MYO16: variants seen among roughly 807,000 people sequenced by gnomAD.
The protein encoded by MYO16 is unconventional myosin-XVI.
MYO16 carries 94 observed loss-of-function variants against 205.3 expected under a neutral mutation model. That is an observed-to-expected ratio of 0.46 (90% CI 0.39 to 0.54). The LOEUF (loss-of-function observed/expected upper bound fraction) is 0.54, where lower values mean the gene tolerates loss of function less well. MYO16 is among the 20% of genes least tolerant of loss of function. The pLI, the probability that MYO16 is intolerant of heterozygous loss-of-function variation, is 0.00. For synonymous variants in MYO16, 988 were observed against 954.0 expected, an observed-to-expected ratio of 1.04 and a Z score of -0.66; for missense variants, 2,315 against 2,387.5, an observed-to-expected ratio of 0.97 and a Z score of 0.63.
chr13:109,095,103 A>G (rs138614848), intron 27 of MYO16, among the ~76,000 whole-genome samples: 4 of 152,348 alleles, frequency 2.6e-5, no homozygotes, highest in African/African-American at 9.6e-5. Flanking sequence ...ATGAAAGTAG[A>G]TAACAGTTGT....
At chr13:109,078,060 C>T (rs1358278088) in intron 27 of MYO16, among the ~76,000 whole-genome samples, 1 of 152,052 alleles carries the variant, frequency 6.6e-6, no homozygotes, top group African/African-American at 2.4e-5. Context: ...TTCTGTTCAT[C>T]CAATTCAATG....
intron 15 of MYO16, among the ~76,000 whole-genome samples, chr13:108,908,428 T>C (rs1881092809): frequency 6.6e-6 from 1 of 152,232 alleles, no homozygotes; most frequent in Admixed American, 6.5e-5. Context: ...GTGGTTCTAG[T>C]TGTTAGAACA....
At chr13:108,893,957 G>C (rs1276783732) in intron 14 of MYO16, among the ~76,000 whole-genome samples, 1 of 152,136 alleles carries the variant, frequency 6.6e-6, no homozygotes, top group Non-Finnish European at 1.5e-5. Context: ...CTGCCATAAA[G>C]ATACCACCTG....
intron 4 of MYO16, among the ~76,000 whole-genome samples, chr13:108,737,909 CTAGTTT>C: frequency 6.6e-6 from 1 of 152,122 alleles, no homozygotes. Flanking sequence ...TCTAGATTTT[CTAGTTT>C]ATTTGTGTAG....
intron 16 of MYO16, among the ~76,000 whole-genome samples, chr13:108,926,191 G>A (rs1000592875): frequency 1.3e-5 from 2 of 152,204 alleles, no homozygotes; most frequent in Non-Finnish European, 1.5e-5. Flanking sequence ...GTACTGACCA[G>A]AGAAAGGGAG....
chr13:108,926,367 A>G (rs1882005544), intron 16 of MYO16, among the ~76,000 whole-genome samples: 1 of 152,132 alleles, frequency 6.6e-6, no homozygotes, highest in East Asian at 1.9e-4. Context: ...AAAATAAGAG[A>G]TGGTCCCTGC....
At chr13:108,570,109 AT>A in the MYO16 span, among the ~76,000 whole-genome samples, 3 of 152,166 alleles carry the variant, frequency 2.0e-5, no homozygotes, top group Admixed American at 6.5e-5. Context: ...TCTCTGCCTG[AT>A]TTTGGAAATA....
At chr13:108,646,386 A>T (rs11839682) in intron 1 of MYO16, among the ~76,000 whole-genome samples, 20,888 of 152,162 alleles carry the variant, frequency 0.14, 2,815 homozygotes, top group African/African-American at 0.34. Context: ...ACTCAATTCA[A>T]ACTCAGCTAT....
chr13:108,844,340 TAGCAG>T lies in MYO16; in HGVS notation c.1098-2_1100del. ...ATTGTAGTATTGATTTTTTTTCCTGTAGCAGTCCCCTGGTGTTACCAATTGCCAAG... is the reference window on the plus strand; with the variant it reads ...ATTGTAGTATTGATTTTTTTTCCTGTTCCCCTGGTGTTACCAATTGCCAAG... On this transcript the variant is annotated splice_acceptor_variant and coding_sequence_variant, in exon 10 of 35. Transcript: ENST00000457511. LOFTEE classifies it high-confidence loss of function. 6.2e-7 allele frequency: 1 copy of T among 1,605,636 alleles called. No homozygotes were observed. The highest frequency in any genetic ancestry group is 8.5e-7 in the Non-Finnish European group (1 of 1,175,048).
In MYO16 at chr13:108,753,507, T is replaced by A. The variant is rs139100903; in HGVS notation, c.507+25924T>A. 1.7e-4 allele frequency among the ~76,000 whole-genome samples: 26 copies of A among 152,232 alleles called. 1 individual carries two copies. In the East Asian group the frequency reaches 4.8e-3, roughly 28 times the overall value. ...TTTGGGAATGGCTTTATTGACTCAT[T>A]CCGTAACCAAAAACATTAAGAGGAT... On this transcript the variant is annotated intron_variant, in intron 4 of 34. Coordinates refer to ENST00000457511, the MANE Select transcript of MYO16 (RefSeq NM_001198950.3).
At chr13:108,923,552 C>G (rs558782833) in intron 16 of MYO16, among the ~76,000 whole-genome samples, 1 of 152,338 alleles carries the variant, frequency 6.6e-6, no homozygotes, top group African/African-American at 2.4e-5. Flanking sequence ...AACACCAGCT[C>G]GGGCTGGTAT....
At chr13:109,149,570 T>G (rs2139829578) in intron 32 of MYO16, among the ~76,000 whole-genome samples, 1 of 152,336 alleles carries the variant, frequency 6.6e-6, no homozygotes, top group East Asian at 1.9e-4. Flanking sequence ...AGGTCTCTGT[T>G]TGAGAAAGGA....
At chr13:108,956,955 A>G (rs1883373024) in intron 16 of MYO16, among the ~76,000 whole-genome samples, 1 of 152,208 alleles carries the variant, frequency 6.6e-6, no homozygotes, top group Non-Finnish European at 1.5e-5. Flanking sequence ...AAAGGAGTAA[A>G]TCAATGGCAT....
intron 27 of MYO16, among the ~76,000 whole-genome samples, chr13:109,070,698 G>T (rs1887896540): frequency 6.6e-6 from 1 of 152,174 alleles, no homozygotes; most frequent in Non-Finnish European, 1.5e-5. Flanking sequence ...ATGAAATGAG[G>T]AATAGATTAG....
the MYO16 span, among the ~76,000 whole-genome samples, chr13:108,556,317 T>C: frequency 1.3e-5 from 2 of 152,198 alleles, no homozygotes; most frequent in East Asian, 1.9e-4. Context: ...ACTCTTTGGC[T>C]AATAGCCATT....
intron 16 of MYO16, among the ~76,000 whole-genome samples, chr13:108,918,049 AATT>A (rs1881577402): frequency 6.6e-6 from 1 of 152,236 alleles, no homozygotes; most frequent in Admixed American, 6.5e-5. Context: ...TTCGATTCTC[AATT>A]ATTTTTGTGA....
intron 33 of MYO16, among the ~76,000 whole-genome samples, chr13:109,172,126 C>A (rs1594156235): frequency 6.6e-6 from 1 of 152,164 alleles, no homozygotes; most frequent in African/African-American, 2.4e-5. Context: ...TCAATCCAAA[C>A]CACCAGCCAA....
At chr13:108,782,620 A>G (rs1886337856) in intron 4 of MYO16, among the ~76,000 whole-genome samples, 1 of 152,148 alleles carries the variant, frequency 6.6e-6, no homozygotes, top group Admixed American at 6.5e-5. Flanking sequence ...CATGTCAGAG[A>G]CCTTCATGGC....
At chr13:109,013,673 T>C (rs887491930) in intron 22 of MYO16, among the ~76,000 whole-genome samples, 1 of 152,208 alleles carries the variant, frequency 6.6e-6, no homozygotes, top group Non-Finnish European at 1.5e-5. Flanking sequence ...TGGTGTGAGA[T>C]GGTATCTCAT....
Sources: gnomAD v4.1 joint callset for allele counts (sites outside exome capture counted in the v4.1 genomes callset) on GRCh38, gnomAD v4.1.1 for gene constraint, MANE v1.5 for transcripts, NCBI Gene and HGNC (gene_info 2026-07-23, HGNC 2026-07-21) for gene names.